SPATA13: variants seen among roughly 807,000 people sequenced by gnomAD.
SPATA13 encodes the protein spermatogenesis associated 13.
SPATA13 carries 50 observed loss-of-function variants against 104.0 expected under a neutral mutation model. The observed-to-expected ratio is 0.48, with a 90% CI of 0.38 to 0.61. SPATA13 has a LOEUF of 0.61. SPATA13 is among the 20% of genes least tolerant of loss of function. The pLI, the probability that SPATA13 is intolerant of heterozygous loss-of-function variation, is 0.00. For missense variants in SPATA13, 1,524 were observed against 1,690.6 expected (o/e 0.90, Z 1.73); for synonymous variants, 606 against 667.5 (o/e 0.91, Z 1.42).
At chr13:23,988,110 A>ATT (rs1875240040) in intron 2 of SPATA13, among the ~76,000 whole-genome samples, 1 of 151,858 alleles carries the variant, frequency 6.6e-6, no homozygotes, top group Non-Finnish European at 1.5e-5. Context: ...CGTCTGGTTA[A>ATT]TTTTTGTGTT....
rs144193870 is a variant in SPATA13, at chr13:24,101,165, G to T, written c.-112+83464G>T. ...ACTCCTCCTGATGGCCCTGGCCCCT[G>T]TTGCTCCTCTACTGTTCTCATCTAT... On this transcript the variant is annotated intron_variant, in intron 3 of 14. Transcript: ENST00000424834. Among the ~76,000 whole-genome samples, 1,181 of 152,260 alleles carry T rather than the reference G, an allele frequency of 7.8e-3. 43 individuals carry two copies. Among genetic ancestry groups the T allele is most frequent in the Admixed American group, 0.062 (954 of 15,292 alleles).
intron 1 of SPATA13, among the ~76,000 whole-genome samples, chr13:23,982,956 TGAGA>T (rs1392394078): frequency 1.3e-5 from 2 of 152,112 alleles, no homozygotes; most frequent in Non-Finnish European, 2.9e-5. Context: ...GGGAAGAAGG[TGAGA>T]GAAACTCTTT....
At chr13:24,007,765 G>T (rs190729809) in intron 2 of SPATA13, among the ~76,000 whole-genome samples, 86 of 152,306 alleles carry the variant, frequency 5.6e-4, no homozygotes, top group Non-Finnish European at 1.1e-3. Flanking sequence ...ACCAAGCCCA[G>T]CCAGGGTTTT....
At chr13:24,194,626 T>C (rs1256848068) in intron 1 of SPATA13, among the ~76,000 whole-genome samples, 2 of 152,214 alleles carry the variant, frequency 1.3e-5, no homozygotes, top group Non-Finnish European at 1.5e-5. Context: ...TAGGTCCTCA[T>C]TGATTCACCA....
At chr13:24,245,253 G>C (rs1484360644) in intron 2 of SPATA13, among the ~76,000 whole-genome samples, 1 of 151,798 alleles carries the variant, frequency 6.6e-6, no homozygotes, top group East Asian at 1.9e-4. Flanking sequence ...ATGAACCTGG[G>C]TGGTATTTCA....
chr13:24,206,946 A>G (rs1266460772), intron 1 of SPATA13, among the ~76,000 whole-genome samples: 6 of 152,122 alleles, frequency 3.9e-5, no homozygotes, highest in African/African-American at 1.4e-4. Context: ...ACTATTCACA[A>G]TAGCAAAGAT....
intron 3 of SPATA13, among the ~76,000 whole-genome samples, chr13:24,052,471 A>G (rs1021029104): frequency 1.4e-5 from 2 of 145,524 alleles, no homozygotes; most frequent in African/African-American, 5.0e-5. Flanking sequence ...GGTTCTAACT[A>G]TTGATAAAAA....
chr13:24,169,270 A>T (rs545133203), intron 1 of SPATA13, among the ~76,000 whole-genome samples: 9 of 152,242 alleles, frequency 5.9e-5, no homozygotes, highest in African/African-American at 1.7e-4. Flanking sequence ...TGTGCTTGTT[A>T]TACCAGGCTG....
Position 24,083,404 on chromosome 13 carries a change from C to T in SPATA13, c.-112+65703C>T, listed in dbSNP as rs528432742. On this transcript the variant is annotated intron_variant, in intron 3 of 14. Coordinates refer to the SPATA13 transcript ENST00000424834. Reference sequence around the variant, plus strand: ...TGGGCTCTGCAAGTCACAAACAAGTCAGCAGAGTCAAGGAGGGCAGGCCTG... The same window carrying T: ...TGGGCTCTGCAAGTCACAAACAAGTTAGCAGAGTCAAGGAGGGCAGGCCTG... Among the ~76,000 whole-genome samples, 4 of 152,192 alleles carry T rather than the reference C, an allele frequency of 2.6e-5. No individual in the cohort carries two copies. In the East Asian group the frequency reaches 5.8e-4, roughly 22 times the overall value.
At chr13:24,213,207 G>C (rs1871117697) in intron 1 of SPATA13, among the ~76,000 whole-genome samples, 1 of 152,194 alleles carries the variant, frequency 6.6e-6, no homozygotes, top group Non-Finnish European at 1.5e-5. Flanking sequence ...ATCATAGGGA[G>C]GAGAGTCACA....
chr13:24,172,468 T>C (rs2264961), intron 1 of SPATA13, among the ~76,000 whole-genome samples: 51,057 of 152,116 alleles, frequency 0.34, 8,778 homozygotes, highest in Middle Eastern at 0.46. Flanking sequence ...TGTGTTTTTT[T>C]CTAAAACGTT....
chr13:24,302,459 C>CAAA (rs71070678), intron 12 of SPATA13, 139 bp from the exon 13 acceptor site: 2,688 of 193,902 alleles, frequency 0.014, 221 homozygotes, highest in Non-Finnish European at 0.019. Context: ...GACCCTGTCT[C>CAAA]AAAAAAAAAA....
chr13:24,228,108 C>CTTTTTTTTTTTTTTT (rs71186818), intron 2 of SPATA13, among the ~76,000 whole-genome samples: 1 of 102,284 alleles, frequency 9.8e-6, no homozygotes, highest in African/African-American at 4.7e-5. Context: ...CTCTTGTACT[C>CTTTTTTTTTTTTTTT]TTTTTTTTTT....
At position 24,055,364 on chromosome 13, in the gene SPATA13, AC is replaced by A. The variant is rs536817554; in HGVS notation, c.-112+37665del. Among the ~76,000 whole-genome samples the A allele has an allele frequency of 2.4e-3, 365 of 152,306 alleles. 1 individual carries two copies. The highest frequency in any genetic ancestry group is 7.3e-3 in the South Asian group (35 of 4,822). On this transcript the variant is annotated intron_variant, in intron 3 of 14. Coordinates refer to the SPATA13 transcript ENST00000424834. ...TCAGCATGCCTGGGTTCAAATCTCGACCTTGTCCTTTTCTATCTGTGTTTTC... is the reference window on the plus strand; with the variant it reads ...TCAGCATGCCTGGGTTCAAATCTCGACTTGTCCTTTTCTATCTGTGTTTTC...
At chr13:24,002,059 G>T (rs530137555) in intron 2 of SPATA13, among the ~76,000 whole-genome samples, 1 of 152,076 alleles carries the variant, frequency 6.6e-6, no homozygotes, top group Non-Finnish European at 1.5e-5. Flanking sequence ...TTACATGGCC[G>T]AGAGGGAGTG....
At position 24,288,391 on chromosome 13, in the gene SPATA13, C is replaced by A. The variant is rs9580918; in HGVS notation, c.2668-608C>A. ...TATTCTACTGAATGTCATGATAACT[C>A]TTTTTGAGTTAGCTGTTACATGTAT... On this transcript the variant is annotated intron_variant, in intron 7 of 12. Coordinates refer to ENST00000382108, the MANE Select transcript of SPATA13 (RefSeq NM_001166271.3). Among the ~76,000 whole-genome samples the A allele has an allele frequency of 6.4e-3, 978 of 152,312 alleles. 8 individuals carry two copies. The highest frequency in any genetic ancestry group is 0.023 in the African/African-American group (945 of 41,562).
chr13:24,271,413 C>T (rs1263564696), intron 4 of SPATA13, among the ~76,000 whole-genome samples: 3 of 152,112 alleles, frequency 2.0e-5, no homozygotes, highest in African/African-American at 4.8e-5. Context: ...AGGCTGTGAG[C>T]TGATCTTTGA....
chr13:24,040,401 T>A (rs939453459), intron 3 of SPATA13, among the ~76,000 whole-genome samples: 1 of 152,122 alleles, frequency 6.6e-6, no homozygotes, highest in South Asian at 2.1e-4. Context: ...CTATATGTTT[T>A]TAAGAGCATG....
chr13:24,083,502 G>A (rs181929031), intron 3 of SPATA13, among the ~76,000 whole-genome samples: 2 of 152,314 alleles, frequency 1.3e-5, no homozygotes, highest in East Asian at 3.9e-4. Flanking sequence ...CGGAGCTTGC[G>A]GGGAGAATGG....
Sources: allele counts gnomAD v4.1 joint callset (sites outside exome capture counted in the v4.1 genomes callset), GRCh38; gene constraint gnomAD v4.1.1; transcripts MANE v1.5; gene names NCBI Gene and HGNC (gene_info 2026-07-23, HGNC 2026-07-21).